The following TENM3 variants were observed in gnomAD, a reference collection of about 807,000 sequenced individuals.
TENM3 encodes teneurin-3.
TENM3 carries 63 observed loss-of-function variants against 255.1 expected under a neutral mutation model. The observed-to-expected ratio is 0.25, with a 90% CI of 0.20 to 0.30. The LOEUF is 0.30. TENM3 is among the 10% of genes least tolerant of loss of function. TENM3 has a pLI of 1.00. For synonymous variants in TENM3, 1,306 were observed against 1,322.3 expected (o/e 0.99, Z 0.27); for missense variants, 2,929 against 3,461.1 (o/e 0.85, Z 3.86).
At chr4:182,405,398 G>T (rs977351458) in intron 3 of TENM3, among the ~76,000 whole-genome samples, 2 of 152,202 alleles carry the variant, frequency 1.3e-5, no homozygotes, top group Admixed American at 6.5e-5. Flanking sequence ...GCGTACCTAA[G>T]GTTGTGCATT....
chr4:182,066,125 G>A, the TENM3 span, among the ~76,000 whole-genome samples: 1 of 152,088 alleles, frequency 6.6e-6, no homozygotes, highest in Non-Finnish European at 1.5e-5. Flanking sequence ...AATGCACAAG[G>A]GTTCCAATTT....
the TENM3 span, among the ~76,000 whole-genome samples, chr4:181,749,244 C>G: frequency 6.6e-6 from 1 of 151,812 alleles, no homozygotes; most frequent in East Asian, 1.9e-4. Flanking sequence ...CACAAAGCAG[C>G]ACTAACAAAT....
intron 4 of TENM3, among the ~76,000 whole-genome samples, chr4:182,623,618 C>T (rs957155660): frequency 1.3e-5 from 2 of 152,158 alleles, no homozygotes; most frequent in Admixed American, 1.3e-4. Flanking sequence ...GTGTGAGCCA[C>T]CGCACCCGGC....
At chr4:182,520,221 T>A (rs950359712) in intron 3 of TENM3, among the ~76,000 whole-genome samples, 4 of 152,110 alleles carry the variant, frequency 2.6e-5, no homozygotes, top group Admixed American at 2.6e-4. Flanking sequence ...TAAAAAAAAA[T>A]TTCTGGTTGA....
At chr4:181,531,695 T>C in the TENM3 span, among the ~76,000 whole-genome samples, 1 of 152,182 alleles carries the variant, frequency 6.6e-6, no homozygotes, top group African/African-American at 2.4e-5. Flanking sequence ...TGTTCAATGC[T>C]GTAAAGGAGA....
chr4:182,514,525 A>G (rs1011877899), intron 3 of TENM3, among the ~76,000 whole-genome samples: 6 of 152,222 alleles, frequency 3.9e-5, no homozygotes, highest in Admixed American at 3.9e-4. Context: ...TTTTATGACT[A>G]TGAAACACAG....
At chr4:181,651,782 T>C in the TENM3 span, among the ~76,000 whole-genome samples, 1 of 152,198 alleles carries the variant, frequency 6.6e-6, no homozygotes, top group Non-Finnish European at 1.5e-5. Context: ...TATTTGGGCC[T>C]GTTCTTCAAT....
chr4:182,688,928 A>G (rs1413618661), intron 12 of TENM3, among the ~76,000 whole-genome samples: 2 of 152,202 alleles, frequency 1.3e-5, no homozygotes, highest in African/African-American at 2.4e-5. Context: ...TTCATATATG[A>G]TGACATTTGT....
the TENM3 span, among the ~76,000 whole-genome samples, chr4:182,035,719 G>A: frequency 2.4e-3 from 368 of 152,164 alleles, 3 homozygotes; most frequent in South Asian, 4.8e-3. Context: ...TAAGCTTTCC[G>A]TCCTTTTTCA....
the TENM3 span, among the ~76,000 whole-genome samples, chr4:181,611,223 A>G: frequency 3.9e-5 from 6 of 152,204 alleles, no homozygotes; most frequent in South Asian, 2.1e-4. Flanking sequence ...TCCGTTATCT[A>G]TGTTTATCTT....
intron 1 of TENM3, among the ~76,000 whole-genome samples, chr4:182,159,266 T>A (rs1050287666): frequency 6.6e-6 from 1 of 152,144 alleles, no homozygotes; most frequent in African/African-American, 2.4e-5. Flanking sequence ...GTGGAGGGTG[T>A]TGGAATTGAA....
chr4:181,670,813 A>G, the TENM3 span, among the ~76,000 whole-genome samples: 2 of 152,232 alleles, frequency 1.3e-5, no homozygotes, highest in Admixed American at 1.3e-4. Flanking sequence ...CACAAGATTC[A>G]TTAATAATGC....
At chr4:182,110,712 C>T in the TENM3 span, among the ~76,000 whole-genome samples, 1 of 152,104 alleles carries the variant, frequency 6.6e-6, no homozygotes, top group Non-Finnish European at 1.5e-5. Flanking sequence ...GTAAACATAA[C>T]AAAGGTCTTC....
At chr4:181,522,176 T>A in the TENM3 span, among the ~76,000 whole-genome samples, 58 of 149,636 alleles carry the variant, frequency 3.9e-4, no homozygotes, top group African/African-American at 1.4e-3. Context: ...CTGGGTGCTA[T>A]GTATAGAGCA....
the TENM3 span, among the ~76,000 whole-genome samples, chr4:181,738,122 G>A: frequency 6.6e-6 from 1 of 152,098 alleles, no homozygotes; most frequent in Non-Finnish European, 1.5e-5. Context: ...ATACAGTAAT[G>A]TTTTCATCGT....
At chr4:182,467,956 T>G (rs1732750604) in intron 3 of TENM3, among the ~76,000 whole-genome samples, 1 of 152,206 alleles carries the variant, frequency 6.6e-6, no homozygotes, top group Non-Finnish European at 1.5e-5. Context: ...GATTCCTCAT[T>G]CAGGCATAAG....
chr4:181,860,087 C>T, the TENM3 span, among the ~76,000 whole-genome samples: 6 of 152,146 alleles, frequency 3.9e-5, no homozygotes, highest in Non-Finnish European at 7.3e-5. Context: ...TTAGACTTTG[C>T]CCATATCATC....
intron 1 of TENM3, among the ~76,000 whole-genome samples, chr4:182,244,580 C>G (rs1178209850): frequency 6.6e-6 from 1 of 152,192 alleles, no homozygotes; most frequent in African/African-American, 2.4e-5. Flanking sequence ...TTTAGCCTGG[C>G]TCCTAAACTG....
intron 3 of TENM3, among the ~76,000 whole-genome samples, chr4:182,362,210 C>G (rs1161722357): frequency 2.6e-5 from 4 of 152,066 alleles, no homozygotes; most frequent in Admixed American, 2.0e-4. Flanking sequence ...GTTCTCAGAT[C>G]TCCAGCTGCA....
Sources: gnomAD v4.1 joint callset for allele counts (sites outside exome capture counted in the v4.1 genomes callset) on GRCh38, gnomAD v4.1.1 for gene constraint, MANE v1.5 for transcripts, NCBI Gene and HGNC (gene_info 2026-07-23, HGNC 2026-07-21) for gene names.